The following RAB31 variants were observed in gnomAD, a reference collection of about 807,000 sequenced individuals.
RAB31 encodes the protein RAB31, member RAS oncogene family.
Under a neutral mutation model 25.6 loss-of-function variants are expected in RAB31, and 21 were observed. The observed-to-expected ratio is 0.82, with a 90% confidence interval of 0.58 to 1.18. RAB31 has a LOEUF of 1.18. Among genes scored for constraint, RAB31 ranks in the 50% most tolerant of loss-of-function variants. RAB31 has a pLI of 0.00. For synonymous variants in RAB31, 87 were observed against 84.0 expected, an observed-to-expected ratio of 1.04 and a Z score of -0.20; for missense variants, 196 against 250.1, an observed-to-expected ratio of 0.78 and a Z score of 1.46.
intron 1 of RAB31, among the ~76,000 whole-genome samples, chr18:9,744,493 T>C (rs1465381676): frequency 6.6e-6 from 1 of 152,246 alleles, no homozygotes; most frequent in African/African-American, 2.4e-5. Context: ...CTTTGACATG[T>C]TCATTTTGTA....
At chr18:9,752,942 C>T (rs4798850) in intron 1 of RAB31, among the ~76,000 whole-genome samples, 38,634 of 152,038 alleles carry the variant, frequency 0.25, 5,120 homozygotes, top group African/African-American at 0.3. Context: ...CATTTTCTTT[C>T]TTGACTCCAA....
intron 2 of RAB31, among the ~76,000 whole-genome samples, chr18:9,777,080 G>A (rs549756665): frequency 3.3e-5 from 5 of 152,306 alleles, no homozygotes; most frequent in Admixed American, 6.5e-5. Flanking sequence ...GGTGGTTCAC[G>A]CCTGTAATTC....
Position 9,708,536 on chromosome 18 carries a change from C to A in RAB31, c.39+92C>A. ...TCCCTGCGCGCTCAGTCCCCGTGAT[C>A]CCCTCGCTCTCCGCACCCCTCTCGT... On this transcript the variant is annotated intron_variant, in intron 1 of 6. Coordinates refer to ENST00000578921, the MANE Select transcript of RAB31 (RefSeq NM_006868.4). The surrounding 1 kb of genome is among the most constrained non-coding windows in gnomAD (Gnocchi z 6.4). The A allele has an allele frequency of 8.7e-7, 1 of 1,151,160 alleles. No individual in the cohort carries two copies. The highest frequency in any genetic ancestry group is 1.2e-6 in the Non-Finnish European group (1 of 849,252). The allele number at this position is 1,151,160 out of a possible 1,614,324, so 71.3% of individuals were successfully genotyped here. A position where few individuals can be genotyped will look rare whatever the true frequency, so the allele number is the denominator to read the frequency against.
chr18:9,712,692 G>A (rs890596030), intron 1 of RAB31, among the ~76,000 whole-genome samples: 2 of 152,096 alleles, frequency 1.3e-5, no homozygotes, highest in African/African-American at 4.8e-5. Flanking sequence ...AGAAGGAGGG[G>A]ACCTTTGTTT....
chr18:9,799,126 A>C (rs2143044016), intron 3 of RAB31, among the ~76,000 whole-genome samples: 1 of 152,336 alleles, frequency 6.6e-6, no homozygotes, highest in East Asian at 1.9e-4. Context: ...TATGTTGTGC[A>C]GGCTGGGCTT....
At chr18:9,848,560 C>T (rs1568195756) in intron 6 of RAB31, among the ~76,000 whole-genome samples, 1 of 152,212 alleles carries the variant, frequency 6.6e-6, no homozygotes, top group South Asian at 2.1e-4. Flanking sequence ...TCCAAGTACA[C>T]CTAAATATAC....
chr18:9,733,991 A>T (rs979439166), intron 1 of RAB31, among the ~76,000 whole-genome samples: 1 of 151,760 alleles, frequency 6.6e-6, no homozygotes. Context: ...CTATTAATAC[A>T]AATGTAAAGA....
chr18:9,741,396 A>G (rs2068178484), intron 1 of RAB31, among the ~76,000 whole-genome samples: 1 of 150,722 alleles, frequency 6.6e-6, no homozygotes, highest in Non-Finnish European at 1.5e-5. Flanking sequence ...AAAAAAAAAA[A>G]AAAAAAAGGC....
intron 5 of RAB31, among the ~76,000 whole-genome samples, chr18:9,829,258 A>G (rs574192376): frequency 6.6e-6 from 1 of 152,106 alleles, no homozygotes; most frequent in South Asian, 2.1e-4. Flanking sequence ...CTTTACACCT[A>G]CATTTGCATT....
intron 3 of RAB31, among the ~76,000 whole-genome samples, chr18:9,809,613 C>T (rs2068560484): frequency 6.6e-6 from 1 of 152,208 alleles, no homozygotes; most frequent in Non-Finnish European, 1.5e-5. Flanking sequence ...TGTCTTGCCT[C>T]ATGTGCCATT....
At chr18:9,786,056 G>GAA (rs1599037840) in intron 2 of RAB31, among the ~76,000 whole-genome samples, 6 of 150,042 alleles carry the variant, frequency 4.0e-5, no homozygotes, top group East Asian at 3.9e-4. Context: ...GAGAAAGAAA[G>GAA]AGAGAAAGAG....
chr18:9,812,136 A>G (rs1052782872), intron 3 of RAB31, among the ~76,000 whole-genome samples: 2 of 152,206 alleles, frequency 1.3e-5, no homozygotes, highest in Non-Finnish European at 2.9e-5. Flanking sequence ...GACTAATCCC[A>G]TCTGTGACCT....
intron 1 of RAB31, among the ~76,000 whole-genome samples, chr18:9,712,135 A>G (rs530592172): frequency 6.6e-6 from 1 of 152,352 alleles, no homozygotes; most frequent in African/African-American, 2.4e-5. Flanking sequence ...GGAATGTCCA[A>G]GCTTATTTCT....
intron 5 of RAB31, among the ~76,000 whole-genome samples, chr18:9,820,508 A>G (rs551600177): frequency 2.5e-4 from 38 of 152,188 alleles, no homozygotes; most frequent in African/African-American, 8.7e-4. Context: ...GGGCAATAAC[A>G]GTCTTGCAGA....
chr18:9,733,263 A>G (rs2068132589), intron 1 of RAB31, among the ~76,000 whole-genome samples: 1 of 152,238 alleles, frequency 6.6e-6, no homozygotes, highest in Admixed American at 6.5e-5. Context: ...AAATGATCCT[A>G]GATCCTGGAT....
chr18:9,752,514 C>T (rs964874459), intron 1 of RAB31, among the ~76,000 whole-genome samples: 8 of 152,198 alleles, frequency 5.3e-5, no homozygotes, highest in Non-Finnish European at 7.3e-5. Flanking sequence ...CATGAGCCAT[C>T]GTGCCCGGCC....
intron 6 of RAB31, among the ~76,000 whole-genome samples, chr18:9,850,422 G>T (rs2068783478): frequency 6.6e-6 from 1 of 152,190 alleles, no homozygotes; most frequent in South Asian, 2.1e-4. Flanking sequence ...ACCATGGCCA[G>T]CTGGTTTGTG....
chr18:9,784,593 C>T (rs2068422395), intron 2 of RAB31, among the ~76,000 whole-genome samples: 1 of 148,476 alleles, frequency 6.7e-6, no homozygotes, highest in African/African-American at 2.5e-5. Context: ...TGCTCTGTCA[C>T]CCAGGCTGGA....
chr18:9,725,453 G>T (rs768250517), intron 1 of RAB31, among the ~76,000 whole-genome samples: 9 of 152,188 alleles, frequency 5.9e-5, no homozygotes, highest in Non-Finnish European at 8.8e-5. Context: ...TAAGTAACAT[G>T]CTCAAGGACT....
Sources: gnomAD v4.1 joint callset for allele counts (sites outside exome capture counted in the v4.1 genomes callset) on GRCh38, gnomAD v4.1.1 for gene constraint, Gnocchi (gnomAD v3.1) non-coding constraint, MANE v1.5 for transcripts, NCBI Gene and HGNC (gene_info 2026-07-23, HGNC 2026-07-21) for gene names.